TMEM117: variants seen among roughly 807,000 people sequenced by gnomAD.
TMEM117 encodes the protein transmembrane protein 117.
A neutral mutation model predicts 52.4 loss-of-function variants in TMEM117; 27 were observed. The observed-to-expected ratio is 0.51, with a 90% CI of 0.38 to 0.71. The LOEUF (loss-of-function observed/expected upper bound fraction) is 0.71, where lower values mean the gene tolerates loss of function less well. Ranked by LOEUF, TMEM117 falls within the 30% of genes least tolerant of loss-of-function variation. The pLI is 0.00. For missense variants in TMEM117, 556 were observed against 630.5 expected, an observed-to-expected ratio of 0.88 and a Z score of 1.26; for synonymous variants, 215 against 206.3, an observed-to-expected ratio of 1.04 and a Z score of -0.36.
At chr12:43,829,363 C>T in the TMEM117 span, among the ~76,000 whole-genome samples, 30 of 152,126 alleles carry the variant, frequency 2.0e-4, no homozygotes. Context: ...TGATGAGTAC[C>T]CTAAGGAAAT....
chr12:43,859,524 T>C (rs1943453625), intron 2 of TMEM117, among the ~76,000 whole-genome samples: 1 of 151,984 alleles, frequency 6.6e-6, no homozygotes, highest in Admixed American at 6.6e-5. Flanking sequence ...AAACAGAATA[T>C]ATGAAGTCAA....
chr12:43,854,939 G>C (rs1943374493), intron 2 of TMEM117, among the ~76,000 whole-genome samples: 1 of 152,282 alleles, frequency 6.6e-6, no homozygotes, highest in East Asian at 1.9e-4. Flanking sequence ...TCCTGGCCCA[G>C]GCCCACCACT....
intron 6 of TMEM117, among the ~76,000 whole-genome samples, chr12:44,363,354 T>A (rs1242763482): frequency 4.6e-5 from 7 of 152,196 alleles, no homozygotes; most frequent in Admixed American, 4.6e-4. Flanking sequence ...GTGGTCATTG[T>A]TAGAACAGTG....
chr12:43,808,721 G>A, the TMEM117 span, among the ~76,000 whole-genome samples: 1 of 149,594 alleles, frequency 6.7e-6, no homozygotes, highest in East Asian at 2.0e-4. Context: ...GATGTGGGAG[G>A]ATCACTTGAG....
At chr12:44,110,331 T>A (rs1948037303) in intron 3 of TMEM117, among the ~76,000 whole-genome samples, 1 of 138,680 alleles carries the variant, frequency 7.2e-6, no homozygotes, top group Non-Finnish European at 1.6e-5. Flanking sequence ...AGTATGATAT[T>A]GGCTGTGGGT....
chr12:44,040,169 A>G (rs142760044), intron 3 of TMEM117, among the ~76,000 whole-genome samples: 136 of 152,268 alleles, frequency 8.9e-4, no homozygotes, highest in African/African-American at 3.2e-3. Context: ...GTGTGCCATT[A>G]TATAGTATTC....
intron 5 of TMEM117, among the ~76,000 whole-genome samples, chr12:44,215,344 A>G (rs1949701757): frequency 6.6e-6 from 1 of 152,174 alleles, no homozygotes; most frequent in South Asian, 2.1e-4. Context: ...GCAGTTGTGC[A>G]AAGATGAGGC....
At chr12:43,937,903 C>G (rs1944978849) in intron 2 of TMEM117, among the ~76,000 whole-genome samples, 1 of 152,064 alleles carries the variant, frequency 6.6e-6, no homozygotes, top group African/African-American at 2.4e-5. Context: ...ATCTTTGGGT[C>G]TCAGTGTTAT....
At chr12:43,822,630 C>T in the TMEM117 span, among the ~76,000 whole-genome samples, 1 of 151,976 alleles carries the variant, frequency 6.6e-6, no homozygotes. Context: ...GATATGTTTA[C>T]CTGTCTCTAT....
At chr12:44,256,460 A>G (rs1298095729) in intron 5 of TMEM117, among the ~76,000 whole-genome samples, 2 of 152,004 alleles carry the variant, frequency 1.3e-5, no homozygotes, top group Non-Finnish European at 2.9e-5. Context: ...GTTTCATCTC[A>G]TTATTTATAA....
chr12:44,272,534 A>G (rs1338743443), intron 5 of TMEM117, among the ~76,000 whole-genome samples: 1 of 152,166 alleles, frequency 6.6e-6, no homozygotes, highest in African/African-American at 2.4e-5. Context: ...CAAGAAAAAA[A>G]CAACCCCATC....
chr12:43,995,396 G>C (rs1946011820), intron 3 of TMEM117, among the ~76,000 whole-genome samples: 1 of 152,126 alleles, frequency 6.6e-6, no homozygotes, highest in Admixed American at 6.6e-5. Flanking sequence ...ATCTCCTAAA[G>C]GTGATTGATT....
At chr12:44,027,892 T>C (rs1946569558) in intron 3 of TMEM117, among the ~76,000 whole-genome samples, 1 of 152,240 alleles carries the variant, frequency 6.6e-6, no homozygotes, top group Non-Finnish European at 1.5e-5. Flanking sequence ...TTGAAACATA[T>C]GCTTATTATT....
At chr12:44,328,283 C>T (rs1417107388) in intron 6 of TMEM117, among the ~76,000 whole-genome samples, 1 of 152,142 alleles carries the variant, frequency 6.6e-6, no homozygotes, top group Admixed American at 6.5e-5. Flanking sequence ...AGTATTGCCA[C>T]CATTTGGCCA....
intron 3 of TMEM117, among the ~76,000 whole-genome samples, chr12:44,097,874 A>C (rs927593192): frequency 6.6e-6 from 1 of 152,000 alleles, no homozygotes; most frequent in Non-Finnish European, 1.5e-5. Flanking sequence ...ATAAAATAAA[A>C]TAAAATAAAA....
rs577436106 is a variant in TMEM117 at position 44,055,302 on chromosome 12, T to C, written c.411-88223T>C. Among the ~76,000 whole-genome samples, 57 of 152,344 alleles carry C rather than the reference T, an allele frequency of 3.7e-4. 2 individuals are homozygous for C. Among genetic ancestry groups the C allele is most frequent in the African/African-American group, 1.3e-3 (53 of 41,574 alleles). On this transcript the variant is annotated intron_variant, in intron 3 of 7. Coordinates refer to ENST00000266534, the MANE Select transcript of TMEM117 (RefSeq NM_032256.3). ...TACATCTGTACTGATTATTTATGTT[T>C]AGGACATTTTTCATGAAAATAAAAA...
the TMEM117 span, chr12:43,804,043 G>T: frequency 2.0e-4 from 42 of 205,304 alleles, no homozygotes; most frequent in African/African-American, 9.1e-4. Context: ...AAACAAGAAA[G>T]GGAAATGATC....
chr12:44,378,145 G>A (rs1293270715), intron 7 of TMEM117, among the ~76,000 whole-genome samples: 1 of 151,962 alleles, frequency 6.6e-6, no homozygotes, highest in Non-Finnish European at 1.5e-5. Flanking sequence ...CTTGCTACCA[G>A]CTCTTGTCCC....
chr12:43,872,149 G>T (rs1424949690), intron 2 of TMEM117, among the ~76,000 whole-genome samples: 1 of 152,156 alleles, frequency 6.6e-6, no homozygotes, highest in Non-Finnish European at 1.5e-5. Context: ...TAATATTCCT[G>T]CATTGGTCTA....
Sources: allele counts gnomAD v4.1 joint callset (sites outside exome capture counted in the v4.1 genomes callset), GRCh38; gene constraint gnomAD v4.1.1; transcripts MANE v1.5; gene names NCBI Gene and HGNC (gene_info 2026-07-23, HGNC 2026-07-21).